GMDS: variants seen among roughly 807,000 people sequenced by gnomAD.
The protein encoded by GMDS is GDP-mannose 4,6 dehydratase.
In GMDS, 20 loss-of-function variants were observed where a neutral mutation model predicts 49.9. The ratio of observed to expected loss-of-function variants is 0.40; its 90% CI spans 0.28 to 0.58. The LOEUF (loss-of-function observed/expected upper bound fraction) is 0.58. Ranked by LOEUF, GMDS falls within the 20% of genes least tolerant of loss-of-function variation. The probability of loss-of-function intolerance (pLI) is 0.42; values close to 1 mark genes in which losing one functional copy is unlikely to be tolerated. For missense variants in GMDS, 362 were observed against 481.4 expected, an observed-to-expected ratio of 0.75 and a Z score of 2.32; for synonymous variants, 177 against 178.6, an observed-to-expected ratio of 0.99 and a Z score of 0.07.
chr6:1,779,064 G>T (rs115159250), intron 7 of GMDS, among the ~76,000 whole-genome samples: 3,032 of 152,136 alleles, frequency 0.02, 112 homozygotes, highest in African/African-American at 0.068. Flanking sequence ...GGTCTCAAGA[G>T]AAATGAGCTG....
intron 4 of GMDS, among the ~76,000 whole-genome samples, chr6:2,035,974 A>C (rs1769284008): frequency 6.6e-6 from 1 of 152,164 alleles, no homozygotes; most frequent in African/African-American, 2.4e-5. Context: ...GGTATGAGCC[A>C]CCGCGCCCAG....
intron 4 of GMDS, among the ~76,000 whole-genome samples, chr6:2,045,303 A>G (rs542278908): frequency 6.6e-6 from 1 of 152,090 alleles, no homozygotes; most frequent in East Asian, 1.9e-4. Context: ...ACTGGCAATC[A>G]ATAACCATAT....
intron 7 of GMDS, among the ~76,000 whole-genome samples, chr6:1,770,439 G>C (rs909941274): frequency 6.6e-6 from 1 of 152,240 alleles, no homozygotes; most frequent in African/African-American, 2.4e-5. Flanking sequence ...TGGCAGCGGA[G>C]AATCTGACCG....
At chr6:1,752,582 C>T (rs559647050) in intron 7 of GMDS, among the ~76,000 whole-genome samples, 2 of 152,212 alleles carry the variant, frequency 1.3e-5, no homozygotes, top group African/African-American at 2.4e-5. Flanking sequence ...GATACATAAT[C>T]GTCAGATTCA....
chr6:2,217,552 C>T (rs966383631), intron 1 of GMDS, among the ~76,000 whole-genome samples: 8 of 152,262 alleles, frequency 5.3e-5, no homozygotes, highest in Admixed American at 3.3e-4. Context: ...AGAAACACCT[C>T]CCAACTCTGT....
Position 1,662,665 on chromosome 6 carries a change from G to C in GMDS, c.988-38125C>G, listed in dbSNP as rs113946461. ...TATATGACATCAGCTGCTTTATGTT[G>C]ATGTATATAAACTGTCCTGAGAGCC... is the stretch of plus-strand genomic sequence containing the variant. On this transcript the variant is annotated intron_variant, in intron 9 of 10. Transcript: ENST00000380815. Among the ~76,000 whole-genome samples, 862 of 152,180 alleles carry C rather than the reference G, an allele frequency of 5.7e-3. 5 individuals carry two copies. Among genetic ancestry groups the C allele is most frequent in the African/African-American group, 0.019 (799 of 41,522 alleles).
intron 7 of GMDS, among the ~76,000 whole-genome samples, chr6:1,807,767 G>A (rs1356163207): frequency 1.3e-5 from 2 of 152,084 alleles, no homozygotes; most frequent in African/African-American, 4.8e-5. Flanking sequence ...GATCATAGAG[G>A]TAAATGTGAA....
At chr6:2,007,453 G>A (rs6925298) in intron 4 of GMDS, among the ~76,000 whole-genome samples, 70,192 of 151,818 alleles carry the variant, frequency 0.46, 16,485 homozygotes, top group African/African-American at 0.54. Flanking sequence ...AATTCTAAGC[G>A]TCTACACTTC....
intron 7 of GMDS, among the ~76,000 whole-genome samples, chr6:1,782,932 T>C (rs530858702): frequency 8.3e-4 from 126 of 152,266 alleles, no homozygotes; most frequent in African/African-American, 2.9e-3. Flanking sequence ...GGTGGGAGGA[T>C]TGCTTGAGCC....
At position 1,994,708 on chromosome 6, in the gene GMDS, G is replaced by C. The variant is rs1399767716; in HGVS notation, c.346-33742C>G. On this transcript the variant is annotated intron_variant, in intron 4 of 10. Coordinates refer to ENST00000380815, the MANE Select transcript of GMDS (RefSeq NM_001500.4). ...ATGTGTATATATGCTCTGGGAGCCTGGGGCCTCCAGAAGGAGGTGGCATTA... is the reference window on the plus strand; with the variant it reads ...ATGTGTATATATGCTCTGGGAGCCTCGGGCCTCCAGAAGGAGGTGGCATTA... Among the ~76,000 whole-genome samples the C allele has an allele frequency of 1.2e-4, 19 of 152,040 alleles. 1 individual carries two copies. Among genetic ancestry groups the C allele is most frequent in the Admixed American group, 1.2e-3 (19 of 15,262 alleles).
At chr6:1,857,952 G>A (rs979111228) in intron 7 of GMDS, among the ~76,000 whole-genome samples, 1 of 152,170 alleles carries the variant, frequency 6.6e-6, no homozygotes, top group African/African-American at 2.4e-5. Flanking sequence ...ATAAGCTTGT[G>A]TTATGTTTAT....
At chr6:2,094,499 G>T (rs1248966686) in intron 4 of GMDS, among the ~76,000 whole-genome samples, 1 of 152,256 alleles carries the variant, frequency 6.6e-6, no homozygotes, top group South Asian at 2.1e-4. Flanking sequence ...CTGCTGAAAA[G>T]AGAAGACGGT....
rs1474978392 is a variant in GMDS, at chr6:1,950,036, C to T, written c.643+9831G>A. ...CAGTGCATGATTTGAATTTGCCAAA[C>T]TGGCCAATATTCAGTAATTTTTTAA... On this transcript the variant is annotated intron_variant, in intron 6 of 10. Transcript: ENST00000380815. 2.6e-5 allele frequency among the ~76,000 whole-genome samples: 4 copies of T among 152,218 alleles called. No individual in the cohort carries two copies. The South Asian group carries it at 6.2e-4, about 24-fold the overall frequency.
chr6:1,846,985 T>C (rs1317076575), intron 7 of GMDS, among the ~76,000 whole-genome samples: 3 of 152,190 alleles, frequency 2.0e-5, no homozygotes, highest in Admixed American at 1.3e-4. Context: ...GATGAAATCA[T>C]GCTTGACCTT....
At chr6:1,857,240 T>C (rs1267261795) in intron 7 of GMDS, among the ~76,000 whole-genome samples, 1 of 152,184 alleles carries the variant, frequency 6.6e-6, no homozygotes, top group African/African-American at 2.4e-5. Context: ...TGAACGTAAC[T>C]GGGTTTTGCA....
chr6:1,775,283 C>T (rs749037220), intron 7 of GMDS, among the ~76,000 whole-genome samples: 1 of 152,136 alleles, frequency 6.6e-6, no homozygotes, highest in Non-Finnish European at 1.5e-5. Context: ...CTGGAAGAGC[C>T]AAAACGATGC....
intron 9 of GMDS, among the ~76,000 whole-genome samples, chr6:1,656,763 CAAA>C (rs766642591): frequency 9.3e-5 from 12 of 128,840 alleles, no homozygotes; most frequent in African/African-American, 3.1e-4. Flanking sequence ...GACTCTGTCT[CAAA>C]AAAAAAAAAA....
At chr6:1,816,004 G>C (rs1186691929) in intron 7 of GMDS, among the ~76,000 whole-genome samples, 2 of 152,204 alleles carry the variant, frequency 1.3e-5, no homozygotes. Context: ...GACACACTAT[G>C]GTTGCTAACA....
At chr6:2,172,085 G>T (rs1253329095) in intron 1 of GMDS, among the ~76,000 whole-genome samples, 2 of 151,978 alleles carry the variant, frequency 1.3e-5, no homozygotes, top group Non-Finnish European at 2.9e-5. Flanking sequence ...CCCACGAAAA[G>T]CAAGAATACA....
Sources: gnomAD v4.1 joint callset for allele counts (sites outside exome capture counted in the v4.1 genomes callset) on GRCh38, gnomAD v4.1.1 for gene constraint, MANE v1.5 for transcripts, NCBI Gene and HGNC (gene_info 2026-07-23, HGNC 2026-07-21) for gene names.